The following CSMD1 variants were observed in gnomAD, a reference collection of about 807,000 sequenced individuals.
The protein encoded by CSMD1 is CUB and sushi domain-containing protein 1.
CSMD1 carries 213 observed loss-of-function variants against 417.5 expected under a neutral mutation model. The ratio of observed to expected loss-of-function variants is 0.51; its 90% CI spans 0.46 to 0.57. The LOEUF is 0.57. CSMD1 is among the 20% of genes least tolerant of loss of function. CSMD1 has a pLI of 0.00. For synonymous variants in CSMD1, 2,862 were observed against 1,736.8 expected (o/e 1.65, Z -16.11); for missense variants, 6,923 against 4,529.7 (o/e 1.53, Z -15.17).
At chr8:4,087,001 G>A (rs559430057) in intron 3 of CSMD1, among the ~76,000 whole-genome samples, 3 of 152,274 alleles carry the variant, frequency 2.0e-5, no homozygotes, top group African/African-American at 7.2e-5. Context: ...TACAAAATGG[G>A]GATAACGCTA....
rs144963392 is a variant in CSMD1, at chr8:3,778,603, T to G, written c.819-24561A>C. Among the ~76,000 whole-genome samples the G allele has an allele frequency of 2.6e-5, 4 of 152,304 alleles. 1 individual carries two copies. The highest frequency in any genetic ancestry group is 9.6e-5 in the African/African-American group (4 of 41,586). The stretch of plus-strand genomic sequence containing the variant: ...AGCAGAAAAGAGCATCAGTGCCCTC[T>G]CCTGTCTCTGTTCTGCACCTCTCCT... On this transcript the variant is annotated intron_variant, in intron 5 of 69. Transcript: ENST00000635120.
At chr8:4,098,865 T>A (rs1442086223) in intron 3 of CSMD1, among the ~76,000 whole-genome samples, 1 of 152,186 alleles carries the variant, frequency 6.6e-6, no homozygotes, top group Non-Finnish European at 1.5e-5. Flanking sequence ...CTCATTCATT[T>A]ATTCCCGTCC....
At chr8:3,368,076 T>C (rs1203452381) in intron 19 of CSMD1, among the ~76,000 whole-genome samples, 2 of 152,206 alleles carry the variant, frequency 1.3e-5, no homozygotes, top group African/African-American at 4.8e-5. Flanking sequence ...ATAGTGAAAT[T>C]AATAAAATTA....
chr8:4,440,604 A>T (rs910190287), intron 2 of CSMD1, among the ~76,000 whole-genome samples: 9 of 152,192 alleles, frequency 5.9e-5, no homozygotes, highest in African/African-American at 1.9e-4. Context: ...TTTTCTCTGG[A>T]AAGATAGGTA....
chr8:2,961,857 A>G (rs555766989), intron 61 of CSMD1, among the ~76,000 whole-genome samples: 9 of 152,208 alleles, frequency 5.9e-5, no homozygotes, highest in Non-Finnish European at 1.2e-4. Flanking sequence ...TAGTGTAGAG[A>G]TAGCTACTGT....
chr8:4,961,572 T>A (rs1222513609), intron 1 of CSMD1, among the ~76,000 whole-genome samples: 1 of 152,210 alleles, frequency 6.6e-6, no homozygotes, highest in Non-Finnish European at 1.5e-5. Context: ...TAACCATTGT[T>A]ATCTAGTGCT....
At chr8:4,227,928 C>G (rs1801458642) in intron 3 of CSMD1, among the ~76,000 whole-genome samples, 2 of 150,882 alleles carry the variant, frequency 1.3e-5, no homozygotes, top group African/African-American at 2.4e-5. Context: ...AAATCCCACA[C>G]CTAGACACAC....
In CSMD1 at chr8:3,931,839, T is replaced by G. The variant is rs868163066; in HGVS notation, c.818+66064A>C. Among the ~76,000 whole-genome samples, 46 of 147,760 alleles carry G rather than the reference T, an allele frequency of 3.1e-4. 1 individual carries two copies. Among genetic ancestry groups the G allele is most frequent in the Middle Eastern group, 6.4e-3 (2 of 312 alleles). ...CCTATTCAAGCAGAGGACTGGGCTATCTTTAAGGCAGAGTTGCAAAGGGAG... is the reference window on the plus strand; with the variant it reads ...CCTATTCAAGCAGAGGACTGGGCTAGCTTTAAGGCAGAGTTGCAAAGGGAG... On this transcript the variant is annotated intron_variant, in intron 5 of 69. Transcript: ENST00000635120.
chr8:4,668,455 A>ATTG, intron 1 of CSMD1, among the ~76,000 whole-genome samples: 1 of 144,544 alleles, frequency 6.9e-6, no homozygotes, highest in East Asian at 2.0e-4. Flanking sequence ...TATTATTATT[A>ATTG]TTATTATTAT....
At chr8:4,193,634 G>C (rs945680076) in intron 3 of CSMD1, among the ~76,000 whole-genome samples, 4 of 152,088 alleles carry the variant, frequency 2.6e-5, no homozygotes, top group East Asian at 1.9e-4. Flanking sequence ...GTGCTGTCAA[G>C]GGAGGCCCAG....
chr8:3,796,049 T>TGTAC (rs1305046268), intron 5 of CSMD1, among the ~76,000 whole-genome samples: 6 of 54,944 alleles, frequency 1.1e-4, no homozygotes, highest in African/African-American at 3.4e-4. Flanking sequence ...ATATCTATCA[T>TGTAC]AGATATAGAT....
chr8:4,988,775 C>T (rs1244393064), intron 1 of CSMD1, among the ~76,000 whole-genome samples: 1 of 152,230 alleles, frequency 6.6e-6, no homozygotes, highest in South Asian at 2.1e-4. Flanking sequence ...CAACTGAGCT[C>T]AGAAAAGAGA....
chr8:4,812,775 A>G (rs934862332), intron 1 of CSMD1, among the ~76,000 whole-genome samples: 2 of 152,206 alleles, frequency 1.3e-5, no homozygotes, highest in African/African-American at 4.8e-5. Context: ...TTGTGTTCTC[A>G]TGCATTTTTG....
chr8:4,162,859 G>A (rs1010804898), intron 3 of CSMD1, among the ~76,000 whole-genome samples: 8 of 152,144 alleles, frequency 5.3e-5, no homozygotes, highest in African/African-American at 4.8e-5. Flanking sequence ...GTATCACACT[G>A]AGTAGTTTCC....
intron 18 of CSMD1, among the ~76,000 whole-genome samples, chr8:3,374,014 G>A: frequency 6.7e-6 from 1 of 149,874 alleles, no homozygotes; most frequent in African/African-American, 2.5e-5. Context: ...GTGCAGTGGT[G>A]AGATCTTGGC....
At chr8:4,059,939 T>G (rs1415490836) in intron 3 of CSMD1, among the ~76,000 whole-genome samples, 1 of 151,916 alleles carries the variant, frequency 6.6e-6, no homozygotes, top group African/African-American at 2.4e-5. Context: ...CCTAACTCAT[T>G]TCATGAGGCC....
intron 49 of CSMD1, among the ~76,000 whole-genome samples, chr8:3,082,957 G>C (rs570128841): frequency 3.9e-5 from 6 of 152,272 alleles, no homozygotes; most frequent in South Asian, 2.1e-4. Context: ...GAAAACTTCT[G>C]TGCTGATTTG....
chr8:4,431,347 A>G (rs541811396), intron 2 of CSMD1, among the ~76,000 whole-genome samples: 1 of 152,334 alleles, frequency 6.6e-6, no homozygotes, highest in East Asian at 1.9e-4. Context: ...TAACGTCTAT[A>G]AAATTGAAAC....
intron 10 of CSMD1, among the ~76,000 whole-genome samples, chr8:3,531,467 G>A (rs1797978302): frequency 6.6e-6 from 1 of 152,058 alleles, no homozygotes; most frequent in Non-Finnish European, 1.5e-5. Context: ...AAATATAAAA[G>A]GTGATCCTGT....
Sources: gnomAD v4.1 joint callset for allele counts (sites outside exome capture counted in the v4.1 genomes callset) on GRCh38, gnomAD v4.1.1 for gene constraint, MANE v1.5 for transcripts, NCBI Gene and HGNC (gene_info 2026-07-23, HGNC 2026-07-21) for gene names.